The following CTBS variants were observed in gnomAD, a reference collection of about 807,000 sequenced individuals.
CTBS encodes the protein chitobiase.
A neutral mutation model predicts 44.3 loss-of-function variants in CTBS; 35 were observed. The observed-to-expected ratio is 0.79, with a 90% CI of 0.60 to 1.05. The LOEUF (loss-of-function observed/expected upper bound fraction) is 1.05, where lower values mean the gene tolerates loss of function less well. Ranked by LOEUF, CTBS falls within the 50% of genes least tolerant of loss-of-function variation. The probability of loss-of-function intolerance (pLI) is 0.00; values close to 1 mark genes in which losing one functional copy is unlikely to be tolerated. For missense variants in CTBS, 458 were observed against 475.3 expected, an observed-to-expected ratio of 0.96 and a Z score of 0.34; for synonymous variants, 143 against 168.0, an observed-to-expected ratio of 0.85 and a Z score of 1.15.
At position 84,550,720 on chromosome 1, in the gene CTBS, A is replaced by G. The variant is rs2911593; in HGVS notation, c.*4279T>C. 0.38 allele frequency: 429,990 copies of G among 1,145,144 alleles called. 85,503 individuals are homozygous for G. The highest frequency in any genetic ancestry group is 0.7 in the African/African-American group (43,433 of 61,614). 70.9% of individuals were successfully genotyped at this position (1,145,144 alleles called of 1,614,324 possible). On this transcript the variant is annotated 3_prime_UTR_variant, in exon 7 of 7. Coordinates refer to ENST00000370630, the MANE Select transcript of CTBS (RefSeq NM_004388.3). The stretch of plus-strand genomic sequence containing the variant: ...AGAAAAACTAAACCTGTGAAAAGAT[A>G]CATGATATAATAAAGCCAAAGTAAA...
Position 84,551,348 on chromosome 1 carries a change from T to G in CTBS, c.*3651A>C. The G allele has an allele frequency of 3.4e-5, 28 of 821,894 alleles. No individual in the cohort carries two copies. Among genetic ancestry groups the G allele is most frequent in the East Asian group, 1.2e-4 (1 of 8,012 alleles). 50.9% of individuals were successfully genotyped at this position (821,894 alleles called of 1,614,324 possible). ...AAAAGAAAAAAGAAAATCAGTACTG[T>G]CCTCGGTTTCAGATAAAAATAAAAA... On this transcript the variant is annotated 3_prime_UTR_variant, in exon 7 of 7. Coordinates refer to ENST00000370630, the MANE Select transcript of CTBS (RefSeq NM_004388.3).
At chr1:84,557,622 G>T (rs1381417861) in intron 6 of CTBS, among the ~76,000 whole-genome samples, 1 of 150,312 alleles carries the variant, frequency 6.7e-6, no homozygotes, top group Non-Finnish European at 1.5e-5. Flanking sequence ...TTGGGAGGCC[G>T]AGATGGGCAG....
chr1:84,558,350 C>T (rs1353176160), intron 6 of CTBS, among the ~76,000 whole-genome samples: 4 of 150,208 alleles, frequency 2.7e-5, no homozygotes, highest in African/African-American at 4.9e-5. Context: ...AGTGCAGTGG[C>T]GGGATCTCGG....
chr1:84,571,795 C>T (rs528219129), intron 1 of CTBS, among the ~76,000 whole-genome samples: 5 of 152,154 alleles, frequency 3.3e-5, no homozygotes, highest in Admixed American at 2.6e-4. Context: ...AGATGGTGCA[C>T]GAAAACTTTT....
At chr1:84,560,808 A>C (rs1457952868) in intron 6 of CTBS, among the ~76,000 whole-genome samples, 1 of 152,200 alleles carries the variant, frequency 6.6e-6, no homozygotes, top group African/African-American at 2.4e-5. Context: ...CTATAAATGG[A>C]ATAACAAAGC....
At position 84,550,912 on chromosome 1, in the gene CTBS, T is replaced by C. The variant is rs539025496; in HGVS notation, c.*4087A>G. The stretch of plus-strand genomic sequence containing the variant: ...TAATTTTTTATGGGTAATCGTTTCA[T>C]TTTTTCTGGTTATTTTCATATGTAT... On this transcript the variant is annotated 3_prime_UTR_variant, in exon 7 of 7. Coordinates refer to ENST00000370630, the MANE Select transcript of CTBS (RefSeq NM_004388.3). The C allele has an allele frequency of 7.2e-6, 7 of 978,278 alleles. No homozygotes were observed. The highest frequency in any genetic ancestry group is 8.5e-6 in the Non-Finnish European group (7 of 823,574). 60.6% of individuals were successfully genotyped at this position (978,278 alleles called of 1,614,324 possible).
intron 1 of CTBS, among the ~76,000 whole-genome samples, chr1:84,571,711 CT>C (rs1159329409): frequency 2.6e-5 from 4 of 152,280 alleles, no homozygotes; most frequent in African/African-American, 9.6e-5. Flanking sequence ...GAGTTAACTA[CT>C]TAATTACAAT....
In CTBS at chr1:84,569,951, G is replaced by T. The variant is rs148319034; in HGVS notation, c.505C>A (p.Arg169Ser). The T allele has an allele frequency of 4.1e-4, 655 of 1,608,332 alleles. 1 individual carries two copies. Among genetic ancestry groups the T allele is most frequent in the Non-Finnish European group, 5.4e-4 (637 of 1,178,914 alleles). Residue 169 changes from arginine to serine, a missense_variant, in exon 3 of 7, where the codon CGT (arginine) becomes AGT (serine). By Grantham distance (110) the Arg-to-Ser change is moderately radical. Transcript: ENST00000370630. ...TTTACCTGTGATCCCTCAATTTCAC[G>T]ATGGAAAGAGTCTGTAGTTTCTTTG... ...LVKETTDSFH[R>S]EIEGSQVTFD...
chr1:84,571,632 G>T (rs951674402), intron 1 of CTBS, among the ~76,000 whole-genome samples: 3 of 152,124 alleles, frequency 2.0e-5, no homozygotes, highest in Non-Finnish European at 4.4e-5. Context: ...TTTCCAATAA[G>T]GTACAAGGAG....
At position 84,554,874 on chromosome 1, in the gene CTBS, T is replaced by C. The variant is rs1570462540; in HGVS notation, c.*125A>G. On this transcript the variant is annotated 3_prime_UTR_variant, in exon 7 of 7. Transcript: ENST00000370630. ...TTTTCAAATTCAAACAATCAAAACA[T>C]TTATTTATTCTTTTTTTTTAGTATA... is the stretch of plus-strand genomic sequence containing the variant. The C allele has an allele frequency of 1.1e-5, 8 of 735,548 alleles. No homozygotes were observed. In the East Asian group the frequency reaches 1.9e-4, roughly 18 times the overall value. The allele number at this position is 735,548 out of a possible 1,614,324, so 45.6% of individuals were successfully genotyped here.
intron 3 of CTBS, 40 bp from the exon 4 acceptor site, chr1:84,566,052 C>T (rs567842553): frequency 2.4e-5 from 31 of 1,292,534 alleles, no homozygotes; most frequent in African/African-American, 2.1e-4. Flanking sequence ...AATATGATCA[C>T]GTGTGCATAT....
intron 4 of CTBS, among the ~76,000 whole-genome samples, chr1:84,565,212 T>TAA (rs978452874): frequency 7.0e-6 from 1 of 142,568 alleles, no homozygotes; most frequent in African/African-American, 2.6e-5. Flanking sequence ...AAATAAAAAT[T>TAA]AAAAAAAAAA....
Position 84,551,324 on chromosome 1 carries a change from AAAG to A in CTBS, c.*3672_*3674del, listed in dbSNP as rs1684263811. On this transcript the variant is annotated 3_prime_UTR_variant, in exon 7 of 7. Coordinates refer to ENST00000370630, the MANE Select transcript of CTBS (RefSeq NM_004388.3). ...TTAGCTCTTTTTAAAAAAATTTTAA[AAAG>A]AAAAAAGAAAATCAGTACTGTCCTC... 5.4e-6 allele frequency: 5 copies of A among 931,698 alleles called. No individual in the cohort carries two copies. The highest frequency in any genetic ancestry group is 1.8e-5 in the African/African-American group (1 of 56,254). The allele number at this position is 931,698 out of a possible 1,614,324, so 57.7% of individuals were successfully genotyped here. A position where few individuals can be genotyped will look rare whatever the true frequency, so the allele number is the denominator to read the frequency against.
At chr1:84,564,566 A>T (rs1684656461) in intron 4 of CTBS, among the ~76,000 whole-genome samples, 2 of 152,194 alleles carry the variant, frequency 1.3e-5, no homozygotes, top group African/African-American at 4.8e-5. Context: ...TATGATACAA[A>T]GTATCCCTAT....
At position 84,574,226 on chromosome 1, in the gene CTBS, G is replaced by C. The variant is rs975786089; in HGVS notation, c.177+13C>G. Reference sequence around the variant, plus strand: ...TGAAGCCCAGACCTAGAGGAGCAGAGGAAGGCGCTGACCTCGAAATCTGGA... The same window carrying C: ...TGAAGCCCAGACCTAGAGGAGCAGACGAAGGCGCTGACCTCGAAATCTGGA... On this transcript the variant is annotated intron_variant, in intron 1 of 6. Coordinates refer to ENST00000370630, the MANE Select transcript of CTBS (RefSeq NM_004388.3). 4 of 1,603,460 alleles carry C rather than the reference G, an allele frequency of 2.5e-6. No homozygotes were observed. Among genetic ancestry groups the C allele is most frequent in the Middle Eastern group, 1.6e-4 (1 of 6,072 alleles).
intron 3 of CTBS, among the ~76,000 whole-genome samples, chr1:84,569,211 CTT>C (rs1647218262): frequency 6.6e-6 from 1 of 152,160 alleles, no homozygotes; most frequent in African/African-American, 2.4e-5. Flanking sequence ...ACCAATGAAA[CTT>C]TTTTAAAATT....
chr1:84,557,544 A>G (rs59410858), intron 6 of CTBS, among the ~76,000 whole-genome samples: 7,556 of 140,086 alleles, frequency 0.054, 379 homozygotes, highest in African/African-American at 0.13. Context: ...AAAAAAAAAA[A>G]AAAAAAAAAG....
Position 84,574,424 on chromosome 1 carries a change from G to A in CTBS, c.-9C>T, listed in dbSNP as rs761927268. On this transcript the variant is annotated 5_prime_UTR_variant, in exon 1 of 7. Coordinates refer to ENST00000370630, the MANE Select transcript of CTBS (RefSeq NM_004388.3). ...AGCTGCGGCCGGGACATAGCAGCAG[G>A]TCTAGCGGGCCGGAGTGGGTTCCTA... The A allele has an allele frequency of 1.7e-5, 26 of 1,528,278 alleles. No individual in the cohort carries two copies. In the East Asian group the frequency reaches 3.2e-4, roughly 19 times the overall value. The allele number at this position is 1,528,278 out of a possible 1,614,324, so 94.7% of individuals were successfully genotyped here. A position where few individuals can be genotyped will look rare whatever the true frequency, so the allele number is the denominator to read the frequency against.
At chr1:84,557,559 A>G (rs1238885081) in intron 6 of CTBS, among the ~76,000 whole-genome samples, 1 of 149,074 alleles carries the variant, frequency 6.7e-6, no homozygotes, top group Non-Finnish European at 1.5e-5. Flanking sequence ...AAAAAGAAAA[A>G]AAAAAAAAGA....
Sources: gnomAD v4.1 joint callset for allele counts (sites outside exome capture counted in the v4.1 genomes callset) on GRCh38, gnomAD v4.1.1 for gene constraint, MANE v1.5 for transcripts, NCBI Gene and HGNC (gene_info 2026-07-23, HGNC 2026-07-21) for gene names.